Variants in KLHL1 observed in about 807,000 individuals in gnomAD.
The protein encoded by KLHL1 is kelch like family member 1.
KLHL1 carries 47 observed loss-of-function variants against 77.7 expected under a neutral mutation model. The ratio of observed to expected loss-of-function variants is 0.60; its 90% confidence interval spans 0.48 to 0.77. KLHL1 has a LOEUF of 0.77. Ranked by LOEUF, KLHL1 falls within the 30% of genes least tolerant of loss-of-function variation. KLHL1 has a pLI of 0.00. For synonymous variants in KLHL1, 360 were observed against 325.2 expected, an observed-to-expected ratio of 1.11 and a Z score of -1.15; for missense variants, 925 against 910.8, an observed-to-expected ratio of 1.02 and a Z score of -0.20.
At chr13:69,997,919 G>C (rs1352242264) in intron 1 of KLHL1, among the ~76,000 whole-genome samples, 2 of 151,606 alleles carry the variant, frequency 1.3e-5, no homozygotes, top group African/African-American at 4.8e-5. Flanking sequence ...AAACATAGGA[G>C]TGCACGTGTC....
rs2472287 is a variant in KLHL1 at position 70,002,151 on chromosome 13, C to A, written c.498-26349G>T. ...CCTTATGCATTACTCCCTCTGTACT[C>A]CTTAATACATAAAATCAATGTTTAT... On this transcript the variant is annotated intron_variant, in intron 1 of 10. Coordinates refer to ENST00000377844, the MANE Select transcript of KLHL1 (RefSeq NM_020866.3). 6.4e-3 allele frequency among the ~76,000 whole-genome samples: 965 copies of A among 151,570 alleles called. 9 individuals are homozygous for A. Among genetic ancestry groups the A allele is most frequent in the African/African-American group, 0.022 (905 of 41,464 alleles).
rs142985707 is a variant in KLHL1 at position 70,086,602 on chromosome 13, G to T, written c.497+20601C>A. On this transcript the variant is annotated intron_variant, in intron 1 of 10. Transcript: ENST00000377844. ...AAAAAAAAAAAAAAAAAGAAAGAAA[G>T]AAAGAAAGAAAGAAAGAAAGAAAGA... Among the ~76,000 whole-genome samples the T allele has an allele frequency of 2.5e-3, 93 of 37,916 alleles. 3 individuals carry two copies. Among genetic ancestry groups the T allele is most frequent in the African/African-American group, 8.2e-3 (91 of 11,098 alleles). The allele number at this position is 37,916 out of a possible 152,430, so 24.9% of individuals were successfully genotyped here.
intron 3 of KLHL1, among the ~76,000 whole-genome samples, chr13:69,951,303 A>T (rs1046273991): frequency 6.6e-6 from 1 of 151,514 alleles, no homozygotes; most frequent in Non-Finnish European, 1.5e-5. Context: ...TGGCTTATGC[A>T]AGTGGCTTAT....
chr13:69,914,146 T>C (rs1046688129), intron 4 of KLHL1, among the ~76,000 whole-genome samples: 6 of 152,170 alleles, frequency 3.9e-5, no homozygotes, highest in African/African-American at 7.2e-5. Flanking sequence ...AGACGGCCTA[T>C]TGTGGGACCT....
intron 1 of KLHL1, among the ~76,000 whole-genome samples, chr13:70,096,020 T>C (rs9599547): frequency 1.3e-5 from 2 of 152,086 alleles, no homozygotes; most frequent in Non-Finnish European, 2.9e-5. Flanking sequence ...GCAATTAACA[T>C]GATTTCATTC....
chr13:69,977,294 T>C (rs933218764), intron 1 of KLHL1, among the ~76,000 whole-genome samples: 10 of 152,060 alleles, frequency 6.6e-5, no homozygotes, highest in Non-Finnish European at 1.5e-4. Context: ...ATAACTTTCA[T>C]TGGTCTTTTA....
At chr13:70,061,985 A>G (rs2137406382) in intron 1 of KLHL1, among the ~76,000 whole-genome samples, 1 of 152,232 alleles carries the variant, frequency 6.6e-6, no homozygotes. Flanking sequence ...TTGACAATGT[A>G]CGATAAAGTA....
chr13:70,032,708 T>G (rs951847022), intron 1 of KLHL1, among the ~76,000 whole-genome samples: 5 of 152,222 alleles, frequency 3.3e-5, no homozygotes, highest in Non-Finnish European at 5.9e-5. Flanking sequence ...CTAAGTATTA[T>G]TCTATGCATT....
intron 3 of KLHL1, among the ~76,000 whole-genome samples, chr13:69,948,756 T>C (rs75513278): frequency 0.027 from 4,143 of 152,102 alleles, 64 homozygotes; most frequent in Middle Eastern, 0.058. Context: ...TCATCCCCTA[T>C]TAACAAATGC....
intron 1 of KLHL1, among the ~76,000 whole-genome samples, chr13:70,028,869 T>C (rs1886020567): frequency 6.6e-6 from 1 of 151,838 alleles, no homozygotes; most frequent in Non-Finnish European, 1.5e-5. Context: ...CTCAACTACT[T>C]ACAAGATTGA....
intron 6 of KLHL1, among the ~76,000 whole-genome samples, chr13:69,815,960 G>T (rs777245061): frequency 1.3e-5 from 2 of 151,554 alleles, no homozygotes; most frequent in Non-Finnish European, 2.9e-5. Context: ...ATATGAAAAG[G>T]CTATATTTTG....
chr13:69,727,853 T>C (rs1873370749), intron 8 of KLHL1, among the ~76,000 whole-genome samples: 1 of 146,590 alleles, frequency 6.8e-6, no homozygotes, highest in South Asian at 2.1e-4. Context: ...TCACTGCTCT[T>C]TTTTTTTTTT....
chr13:69,859,367 T>C (rs574204205), intron 5 of KLHL1, among the ~76,000 whole-genome samples: 1 of 152,016 alleles, frequency 6.6e-6, no homozygotes, highest in Non-Finnish European at 1.5e-5. Flanking sequence ...TAATGGGAAT[T>C]ATAAGCAGAA....
At chr13:69,915,517 C>G (rs567516381) in intron 4 of KLHL1, among the ~76,000 whole-genome samples, 1 of 152,148 alleles carries the variant, frequency 6.6e-6, no homozygotes, top group East Asian at 1.9e-4. Flanking sequence ...TAATAAATGG[C>G]GCTGGGAAAA....
intron 1 of KLHL1, among the ~76,000 whole-genome samples, chr13:70,017,665 A>C (rs1055591477): frequency 6.6e-6 from 1 of 152,242 alleles, no homozygotes; most frequent in Non-Finnish European, 1.5e-5. Flanking sequence ...ACTCAGACCG[A>C]AGGTGCATAC....
chr13:69,989,961 C>G (rs1024520650), intron 1 of KLHL1, among the ~76,000 whole-genome samples: 1 of 151,868 alleles, frequency 6.6e-6, no homozygotes, highest in Non-Finnish European at 1.5e-5. Context: ...ATTTCTTTCT[C>G]TAAGTCTAGA....
At chr13:69,813,481 TAC>T (rs141973704) in intron 6 of KLHL1, among the ~76,000 whole-genome samples, 142 of 146,236 alleles carry the variant, frequency 9.7e-4, no homozygotes, top group South Asian at 2.6e-3. Flanking sequence ...TACACACACA[TAC>T]ACACACACAC....
chr13:69,782,975 C>T (rs934535434), intron 7 of KLHL1, among the ~76,000 whole-genome samples: 16 of 152,300 alleles, frequency 1.1e-4, no homozygotes, highest in Admixed American at 2.6e-4. Context: ...TCCAGAGGAA[C>T]GATCAGGCAG....
At chr13:69,849,872 G>A (rs1009947085) in intron 5 of KLHL1, among the ~76,000 whole-genome samples, 4 of 151,328 alleles carry the variant, frequency 2.6e-5, no homozygotes, top group Non-Finnish European at 5.9e-5. Context: ...CATTACCAAA[G>A]TTTGAAAATA....
Sources: gnomAD v4.1 joint callset for allele counts (sites outside exome capture counted in the v4.1 genomes callset) on GRCh38, gnomAD v4.1.1 for gene constraint, MANE v1.5 for transcripts, NCBI Gene and HGNC (gene_info 2026-07-23, HGNC 2026-07-21) for gene names.